The following CDH13 variants were observed in gnomAD, a reference collection of about 807,000 sequenced individuals.
CDH13 encodes the protein cadherin-13.
CDH13 carries 24 observed loss-of-function variants against 63.8 expected under a neutral mutation model. The observed-to-expected ratio is 0.38, with a 90% CI of 0.27 to 0.53. The LOEUF (loss-of-function observed/expected upper bound fraction) is 0.53. CDH13 is among the 20% of genes least tolerant of loss of function. The pLI is 0.85. For synonymous variants in CDH13, 503 were observed against 355.3 expected (o/e 1.42, Z -4.67); for missense variants, 1,049 against 903.1 (o/e 1.16, Z -2.07).
chr16:83,138,166 G>C (rs1417478279), intron 4 of CDH13, among the ~76,000 whole-genome samples: 1 of 151,230 alleles, frequency 6.6e-6, no homozygotes, highest in African/African-American at 2.4e-5. Context: ...TGAAGAAAGA[G>C]AGTCAGTTGA....
At chr16:83,368,648 G>A (rs2091299670) in intron 6 of CDH13, among the ~76,000 whole-genome samples, 1 of 151,538 alleles carries the variant, frequency 6.6e-6, no homozygotes, top group Admixed American at 6.6e-5. Flanking sequence ...TACCCAATGT[G>A]TAGTCTCGTA....
chr16:83,705,399 G>T (rs1906871107), intron 10 of CDH13, among the ~76,000 whole-genome samples: 1 of 152,064 alleles, frequency 6.6e-6, no homozygotes, highest in Non-Finnish European at 1.5e-5. Flanking sequence ...GAGGCGGGCA[G>T]ATCACGAGGT....
At chr16:83,406,725 C>G (rs2092053872) in intron 6 of CDH13, among the ~76,000 whole-genome samples, 1 of 152,158 alleles carries the variant, frequency 6.6e-6, no homozygotes, top group Non-Finnish European at 1.5e-5. Context: ...CTCAACCTCC[C>G]AAAGTGCTGG....
At chr16:83,567,568 G>C in intron 7 of CDH13, among the ~76,000 whole-genome samples, 1 of 152,080 alleles carries the variant, frequency 6.6e-6, no homozygotes, top group East Asian at 1.9e-4. Context: ...GTCTAGACAA[G>C]TTTTTTCTTT....
chr16:83,737,704 T>A (rs961615278), intron 10 of CDH13, among the ~76,000 whole-genome samples: 33 of 152,132 alleles, frequency 2.2e-4, no homozygotes, highest in African/African-American at 7.7e-4. Context: ...AATGGAAAGG[T>A]CCCATCATAT....
chr16:83,390,819 CAGG>C (rs1037067532), intron 6 of CDH13, among the ~76,000 whole-genome samples: 5 of 152,100 alleles, frequency 3.3e-5, no homozygotes, highest in African/African-American at 9.7e-5. Context: ...GTAGCTGAAG[CAGG>C]AGAAGGAAGA....
chr16:82,964,428 C>T (rs986070217), intron 2 of CDH13, among the ~76,000 whole-genome samples: 2 of 152,194 alleles, frequency 1.3e-5, no homozygotes, highest in Non-Finnish European at 2.9e-5. Flanking sequence ...TCTTAAAAAG[C>T]AGACAGCGGC....
intron 2 of CDH13, among the ~76,000 whole-genome samples, chr16:82,948,868 ATT>A (rs1905012238): frequency 6.6e-6 from 1 of 152,200 alleles, no homozygotes; most frequent in Non-Finnish European, 1.5e-5. Context: ...TACTGAACAC[ATT>A]TTAATGAGGA....
chr16:82,877,642 C>G (rs2040548351), intron 2 of CDH13, among the ~76,000 whole-genome samples: 1 of 152,070 alleles, frequency 6.6e-6, no homozygotes. Context: ...TTAATTTAAA[C>G]TGTAGGCCCT....
intron 5 of CDH13, among the ~76,000 whole-genome samples, chr16:83,260,108 ACACACACACACACACACAC>A (rs1906791979): frequency 1.4e-5 from 2 of 139,870 alleles, no homozygotes; most frequent in Non-Finnish European, 3.1e-5. Flanking sequence ...ACACACACAC[ACACACACACACACACACAC>A]ACACACACAC....
intron 10 of CDH13, among the ~76,000 whole-genome samples, chr16:83,746,639 G>C (rs1912611958): frequency 6.6e-6 from 1 of 151,932 alleles, no homozygotes; most frequent in Admixed American, 6.6e-5. Context: ...GGCCATACAA[G>C]GCAGAGAAAA....
At chr16:82,968,182 T>C (rs981470871) in intron 2 of CDH13, among the ~76,000 whole-genome samples, 1 of 152,218 alleles carries the variant, frequency 6.6e-6, no homozygotes, top group Non-Finnish European at 1.5e-5. Flanking sequence ...TTGCTACCCT[T>C]ATTTATTCTT....
intron 3 of CDH13, among the ~76,000 whole-genome samples, chr16:83,044,185 C>G (rs983509072): frequency 6.6e-6 from 1 of 152,154 alleles, no homozygotes; most frequent in African/African-American, 2.4e-5. Context: ...GTAGCTCAGG[C>G]TCAGAAAAGT....
At chr16:83,189,163 T>C (rs1285875441) in intron 4 of CDH13, among the ~76,000 whole-genome samples, 5 of 152,182 alleles carry the variant, frequency 3.3e-5, no homozygotes, top group African/African-American at 1.2e-4. Context: ...CTTTGTTCGG[T>C]GTGTGCTCTC....
rs545986886 is a variant in CDH13 at position 82,720,747 on chromosome 16, G to A, written c.45+93610G>A. 3.3e-5 allele frequency among the ~76,000 whole-genome samples: 5 copies of A among 152,114 alleles called. No individual in the cohort carries two copies. In the East Asian group the frequency reaches 5.8e-4, roughly 18 times the overall value. On this transcript the variant is annotated intron_variant, in intron 1 of 13. Coordinates refer to ENST00000567109, the MANE Select transcript of CDH13 (RefSeq NM_001257.5). ...AAACAGCATTATATGATGTCTGGAT[G>A]TATTTATTGTTCATGATGGCCAGGT...
intron 3 of CDH13, among the ~76,000 whole-genome samples, chr16:83,054,578 A>G (rs2030728545): frequency 6.6e-6 from 1 of 152,164 alleles, no homozygotes; most frequent in African/African-American, 2.4e-5. Context: ...AAAACTTACA[A>G]ATTATTTCTT....
chr16:83,694,808 G>A (rs1905219834), intron 10 of CDH13, among the ~76,000 whole-genome samples: 1 of 152,212 alleles, frequency 6.6e-6, no homozygotes, highest in South Asian at 2.1e-4. Context: ...CTGGACTAGG[G>A]AGAGTCAAGC....
chr16:83,796,474 G>C lies in CDH13; in HGVS notation c.*1444G>C, dbSNP rs950257916. 6.6e-6 allele frequency: 1 copy of C among 152,192 alleles called. No individual in the cohort carries two copies. Among genetic ancestry groups the C allele is most frequent in the Non-Finnish European group, 1.5e-5 (1 of 68,034 alleles). The allele number at this position is 152,192 out of a possible 1,614,324, so 9.4% of individuals were successfully genotyped here. A position where few individuals can be genotyped will look rare whatever the true frequency, so the allele number is the denominator to read the frequency against. ...GTAGAAGTCATATGTTGTCTTTGTT[G>C]TAGTGAAATTATACAGATAGAGTTC... On this transcript the variant is annotated 3_prime_UTR_variant, in exon 14 of 14. Transcript: ENST00000567109.
At chr16:82,877,288 A>G (rs1316429365) in intron 2 of CDH13, among the ~76,000 whole-genome samples, 1 of 152,238 alleles carries the variant, frequency 6.6e-6, no homozygotes, top group African/African-American at 2.4e-5. Context: ...TGAGCTATTT[A>G]TCTAGCTAAG....
Sources: gnomAD v4.1 joint callset for allele counts (sites outside exome capture counted in the v4.1 genomes callset) on GRCh38, gnomAD v4.1.1 for gene constraint, MANE v1.5 for transcripts, NCBI Gene and HGNC (gene_info 2026-07-23, HGNC 2026-07-21) for gene names.